Variants in GNA14 observed in about 807,000 individuals in gnomAD.
The protein encoded by GNA14 is guanine nucleotide-binding protein subunit alpha-14.
A neutral mutation model predicts 42.0 loss-of-function variants in GNA14; 50 were observed. The observed-to-expected ratio is 1.19, with a 90% CI of 0.95 to 1.51. The LOEUF is 1.51. GNA14 is among the 40% of genes most tolerant of loss of function. The pLI is 0.00. For synonymous variants in GNA14, 173 were observed against 163.1 expected, an observed-to-expected ratio of 1.06 and a Z score of -0.46; for missense variants, 473 against 446.2, an observed-to-expected ratio of 1.06 and a Z score of -0.54.
intron 2 of GNA14, among the ~76,000 whole-genome samples, chr9:77,507,489 G>A (rs1837090697): frequency 6.6e-6 from 1 of 152,098 alleles, no homozygotes; most frequent in East Asian, 1.9e-4. Context: ...CTGAGAAAAT[G>A]TCACCGTCAA....
At chr9:77,637,360 A>C (rs1480019028) in intron 1 of GNA14, among the ~76,000 whole-genome samples, 2 of 152,180 alleles carry the variant, frequency 1.3e-5, no homozygotes, top group African/African-American at 4.8e-5. Context: ...CACACACTGA[A>C]AAGGGAAAAA....
At chr9:77,544,476 G>A (rs1837695686) in intron 1 of GNA14, among the ~76,000 whole-genome samples, 1 of 152,048 alleles carries the variant, frequency 6.6e-6, no homozygotes, top group South Asian at 2.1e-4. Flanking sequence ...GCCAAGGCAG[G>A]CAGATCACTT....
intron 2 of GNA14, among the ~76,000 whole-genome samples, chr9:77,468,366 T>A (rs893136665): frequency 2.0e-5 from 3 of 152,012 alleles, no homozygotes; most frequent in Admixed American, 6.6e-5. Context: ...GGAGAGAGGG[T>A]CTACCAAAAC....
chr9:77,452,018 A>G (rs1835909380), intron 2 of GNA14, among the ~76,000 whole-genome samples: 1 of 152,188 alleles, frequency 6.6e-6, no homozygotes, highest in Admixed American at 6.5e-5. Flanking sequence ...GTCCATGCTC[A>G]CTATGTGCTG....
intron 1 of GNA14, among the ~76,000 whole-genome samples, chr9:77,530,674 T>C (rs896002802): frequency 6.6e-6 from 1 of 152,226 alleles, no homozygotes; most frequent in Admixed American, 6.5e-5. Flanking sequence ...GAAAAATGTC[T>C]TGGTCTGATC....
At chr9:77,427,173 G>C (rs752083042) in intron 5 of GNA14, among the ~76,000 whole-genome samples, 3 of 152,166 alleles carry the variant, frequency 2.0e-5, no homozygotes, top group Non-Finnish European at 4.4e-5. Context: ...TTTTAGAAGA[G>C]AAAATGTTTA....
At chr9:77,428,171 C>T (rs111546663) in intron 5 of GNA14, among the ~76,000 whole-genome samples, 6,880 of 150,870 alleles carry the variant, frequency 0.046, 217 homozygotes, top group Middle Eastern at 0.089. Context: ...CTCCGCCTCC[C>T]GGGTTCACGC....
chr9:77,634,512 G>A (rs1824150534), intron 1 of GNA14, among the ~76,000 whole-genome samples: 1 of 151,526 alleles, frequency 6.6e-6, no homozygotes, highest in Non-Finnish European at 1.5e-5. Context: ...AGGGACAGAG[G>A]GAGGGAGGGA....
intron 1 of GNA14, among the ~76,000 whole-genome samples, chr9:77,584,447 G>T (rs771887267): frequency 1.3e-5 from 2 of 152,126 alleles, no homozygotes; most frequent in Non-Finnish European, 2.9e-5. Context: ...CCTTTCACCA[G>T]AGAATAAACA....
chr9:77,593,079 T>C (rs769730590), intron 1 of GNA14, among the ~76,000 whole-genome samples: 1 of 152,166 alleles, frequency 6.6e-6, no homozygotes, highest in Non-Finnish European at 1.5e-5. Flanking sequence ...GTTGCACTTA[T>C]AATAGCCTAA....
At chr9:77,431,817 C>G (rs7032074) in intron 3 of GNA14, 139,252 of 186,192 alleles carry the variant, frequency 0.75, 53,531 homozygotes, top group African/African-American at 0.94. Context: ...CCCTCCAGAG[C>G]CCCTTCTCCC....
At chr9:77,541,529 A>T (rs1374164052) in intron 1 of GNA14, among the ~76,000 whole-genome samples, 1 of 152,110 alleles carries the variant, frequency 6.6e-6, no homozygotes, top group Non-Finnish European at 1.5e-5. Context: ...ACCTTTTTGC[A>T]TTGTATCTGT....
chr9:77,494,841 C>T (rs1836845943), intron 2 of GNA14, among the ~76,000 whole-genome samples: 1 of 151,960 alleles, frequency 6.6e-6, no homozygotes. Flanking sequence ...GCTTTGCTGC[C>T]CAGGCTGGAG....
chr9:77,561,637 G>C (rs1822884864), intron 1 of GNA14, among the ~76,000 whole-genome samples: 1 of 152,130 alleles, frequency 6.6e-6, no homozygotes, highest in South Asian at 2.1e-4. Context: ...GGAATGGAGA[G>C]TTCTTATTTA....
chr9:77,509,263 T>C (rs149438715), intron 2 of GNA14, among the ~76,000 whole-genome samples: 2,131 of 152,336 alleles, frequency 0.014, 56 homozygotes, highest in African/African-American at 0.048. Context: ...ATCCATGCTG[T>C]GGTATGTGTC....
intron 2 of GNA14, among the ~76,000 whole-genome samples, chr9:77,471,844 A>G (rs563609043): frequency 6.6e-6 from 1 of 152,308 alleles, no homozygotes; most frequent in East Asian, 1.9e-4. Context: ...TTGTCCTCAA[A>G]TATAAGGGGA....
At chr9:77,445,570 A>AAAAAAAAAG (rs1835802997) in intron 2 of GNA14, among the ~76,000 whole-genome samples, 1 of 151,164 alleles carries the variant, frequency 6.6e-6, no homozygotes. Context: ...AAAAAAAAAA[A>AAAAAAAAAG]AAAGAAAGGA....
chr9:77,523,370 A>G (rs1837387773), intron 2 of GNA14, among the ~76,000 whole-genome samples: 1 of 152,132 alleles, frequency 6.6e-6, no homozygotes, highest in Non-Finnish European at 1.5e-5. Flanking sequence ...CAGAGCAGGA[A>G]CAAGGCTGGG....
chr9:77,497,936 G>C (rs60599048), intron 2 of GNA14, among the ~76,000 whole-genome samples: 10,987 of 152,092 alleles, frequency 0.072, 1,082 homozygotes, highest in African/African-American at 0.22. Context: ...GCTGCATCTG[G>C]AAATACTCCT....
Sources: gnomAD v4.1 joint callset for allele counts (sites outside exome capture counted in the v4.1 genomes callset) on GRCh38, gnomAD v4.1.1 for gene constraint, MANE v1.5 for transcripts, NCBI Gene and HGNC (gene_info 2026-07-23, HGNC 2026-07-21) for gene names.